Variants in ARHGEF18 observed in about 807,000 individuals in gnomAD.
ARHGEF18 encodes the protein Rho/Rac guanine nucleotide exchange factor 18.
Under a neutral mutation model 155.7 loss-of-function variants are expected in ARHGEF18, and 93 were observed. The observed-to-expected ratio is 0.60, with a 90% confidence interval of 0.50 to 0.71. The LOEUF is 0.71. ARHGEF18 is among the 30% of genes least tolerant of loss of function. ARHGEF18 has a pLI of 0.00. For missense variants in ARHGEF18, 1,593 were observed against 1,816.1 expected, an observed-to-expected ratio of 0.88 and a Z score of 2.23; for synonymous variants, 742 against 753.1, an observed-to-expected ratio of 0.99 and a Z score of 0.24.
chr19:7,418,270 T>G (rs1417806190), intron 10 of ARHGEF18, among the ~76,000 whole-genome samples: 1 of 152,134 alleles, frequency 6.6e-6, no homozygotes, highest in Non-Finnish European at 1.5e-5. Flanking sequence ...TTTTGTTTTG[T>G]TTTGTTTTAA....
At chr19:7,368,052 A>G (rs1970024912) in intron 2 of ARHGEF18, among the ~76,000 whole-genome samples, 1 of 149,144 alleles carries the variant, frequency 6.7e-6, no homozygotes, top group Admixed American at 6.8e-5. Flanking sequence ...GAAGGAGAAG[A>G]CTATCTGCTC....
chr19:7,465,020 A>T (rs1024524773), intron 23 of ARHGEF18, among the ~76,000 whole-genome samples: 2 of 152,174 alleles, frequency 1.3e-5, no homozygotes, highest in Admixed American at 6.5e-5. Flanking sequence ...TGCCTACCAG[A>T]TGCCAGATGT....
intron 10 of ARHGEF18, among the ~76,000 whole-genome samples, chr19:7,409,727 C>A (rs1004786482): frequency 1.3e-5 from 2 of 151,382 alleles, no homozygotes; most frequent in African/African-American, 4.9e-5. Context: ...CAGGCGTGAG[C>A]CATCGCGCCT....
In ARHGEF18 at chr19:7,376,639, G is replaced by T. The variant is rs1447633978; in HGVS notation, c.427-4G>T. 3.0e-5 allele frequency: 37 copies of T among 1,233,738 alleles called. No homozygotes were observed. The highest frequency in any genetic ancestry group is 3.4e-5 in the Non-Finnish European group (34 of 987,736). The allele number at this position is 1,233,738 out of a possible 1,614,324, so 76.4% of individuals were successfully genotyped here. ...AGCTTAGTGAGATGTTTAATCCCCT[G>T]CAGGAATGTGACAGCCCCAAGAAAA... On this transcript the variant is annotated splice_region_variant and splice_polypyrimidine_tract_variant and intron_variant, in intron 4 of 28. Transcript: ENST00000668164.
At chr19:7,443,021 C>T (rs1974763345) in intron 13 of ARHGEF18, among the ~76,000 whole-genome samples, 1 of 150,628 alleles carries the variant, frequency 6.6e-6, no homozygotes, top group African/African-American at 2.4e-5. Flanking sequence ...TCCCGAGTAG[C>T]TGAGATGACA....
chr19:7,381,691 TAATA>T (rs57480401), intron 8 of ARHGEF18, among the ~76,000 whole-genome samples: 14,119 of 146,050 alleles, frequency 0.097, 852 homozygotes, highest in African/African-American at 0.17. Flanking sequence ...AATAAATAAA[TAATA>T]AATAAATAAA....
intron 10 of ARHGEF18, among the ~76,000 whole-genome samples, chr19:7,391,600 C>G (rs1431132825): frequency 6.6e-6 from 1 of 152,150 alleles, no homozygotes; most frequent in Non-Finnish European, 1.5e-5. Context: ...GGAACTCCCT[C>G]TCCCACCTAA....
At chr19:7,398,425 A>T (rs1224100951) in intron 10 of ARHGEF18, among the ~76,000 whole-genome samples, 1 of 151,920 alleles carries the variant, frequency 6.6e-6, no homozygotes, top group South Asian at 2.1e-4. Flanking sequence ...ACCGGGCACC[A>T]TGGCTCACAC....
At chr19:7,385,168 G>C (rs905011788) in intron 10 of ARHGEF18, among the ~76,000 whole-genome samples, 1 of 152,224 alleles carries the variant, frequency 6.6e-6, no homozygotes, top group Non-Finnish European at 1.5e-5. Flanking sequence ...GAAGTTGGAA[G>C]AGTAAAGCCA....
At position 7,462,749 on chromosome 19, in the gene ARHGEF18, G is replaced by A. The variant is rs1460665581; in HGVS notation, c.2635+415G>A. Among the ~76,000 whole-genome samples, 3 of 151,718 alleles carry A rather than the reference G, an allele frequency of 2.0e-5. No individual in the cohort carries two copies. Among genetic ancestry groups the A allele is most frequent in the African/African-American group, 4.8e-5 (2 of 41,290 alleles). ...GCACACTCCCTCAGTGGGTCCCCAC[G>A]CACAGCTCTAACACAGCCGCCAGGC... is the stretch of plus-strand genomic sequence containing the variant. On this transcript the variant is annotated intron_variant, in intron 21 of 28. Transcript: ENST00000668164. The surrounding 1 kb of genome is among the most constrained non-coding windows in gnomAD (Gnocchi z 4.4).
At chr19:7,390,051 C>T (rs1468499519) in intron 10 of ARHGEF18, among the ~76,000 whole-genome samples, 1 of 151,968 alleles carries the variant, frequency 6.6e-6, no homozygotes, top group Non-Finnish European at 1.5e-5. Context: ...TAAAAGTTAG[C>T]CAGGTGTGGT....
intron 10 of ARHGEF18, among the ~76,000 whole-genome samples, chr19:7,412,925 G>C (rs1972780713): frequency 6.6e-6 from 1 of 152,014 alleles, no homozygotes. Flanking sequence ...GTGAATGGGA[G>C]TATTTGTTTT....
chr19:7,435,731 G>A (rs1381759315), intron 10 of ARHGEF18, among the ~76,000 whole-genome samples: 1 of 152,176 alleles, frequency 6.6e-6, no homozygotes, highest in Non-Finnish European at 1.5e-5. Context: ...AATCAATACA[G>A]CGGGTCTGTG....
At chr19:7,443,097 C>G (rs1171177976) in intron 13 of ARHGEF18, among the ~76,000 whole-genome samples, 1 of 132,070 alleles carries the variant, frequency 7.6e-6, no homozygotes, top group Non-Finnish European at 1.5e-5. Context: ...GAGTCTCGCT[C>G]TGTCGCCCAG....
At chr19:7,477,522 G>T in the ARHGEF18 span, 71 of 1,140,668 alleles carry the variant, frequency 6.2e-5, no homozygotes, top group Admixed American at 7.8e-4. Flanking sequence ...TGGCCTGGCA[G>T]CCCTGAGCCC....
At chr19:7,458,385 A>T in intron 18 of ARHGEF18, 127 bp from the exon 19 acceptor site, 2 of 785,988 alleles carry the variant, frequency 2.5e-6, no homozygotes, top group Non-Finnish European at 3.7e-6. Flanking sequence ...TTCCGCTTTG[A>T]ATTGTTTGAA....
rs142764900 is a variant in ARHGEF18, at chr19:7,400,374, A to G, written c.967+17171A>G. On this transcript the variant is annotated intron_variant, in intron 10 of 28. Transcript: ENST00000668164. Reference sequence around the variant, plus strand: ...TGCTGTGTTGTCCAGGCTAAATGCAAACTCCTGGGTTAAAGTGTTCCTCCT... The same window carrying G: ...TGCTGTGTTGTCCAGGCTAAATGCAGACTCCTGGGTTAAAGTGTTCCTCCT... Among the ~76,000 whole-genome samples the G allele has an allele frequency of 8.7e-3, 1,327 of 152,194 alleles. 25 individuals carry two copies. The highest frequency in any genetic ancestry group is 0.03 in the African/African-American group (1,252 of 41,534).
chr19:7,438,468 G>A (rs8109545), intron 10 of ARHGEF18, among the ~76,000 whole-genome samples: 60,211 of 150,032 alleles, frequency 0.4, 12,675 homozygotes, highest in East Asian at 0.59. Flanking sequence ...CTGGAGTGCA[G>A]TGGCACGGTC....
chr19:7,474,286 C>T (rs1183161317), downstream of ARHGEF18, among the ~76,000 whole-genome samples: 9 of 151,222 alleles, frequency 6.0e-5, no homozygotes, highest in Admixed American at 4.6e-4. Context: ...TGCAGTGAGC[C>T]GAGACTGCAC....
Sources: gnomAD v4.1 joint callset for allele counts (sites outside exome capture counted in the v4.1 genomes callset) on GRCh38, gnomAD v4.1.1 for gene constraint, Gnocchi (gnomAD v3.1) non-coding constraint, MANE v1.5 for transcripts, NCBI Gene and HGNC (gene_info 2026-07-23, HGNC 2026-07-21) for gene names.